The following PTPRD variants were observed in gnomAD, a reference collection of about 807,000 sequenced individuals.
PTPRD encodes the protein receptor-type tyrosine-protein phosphatase delta.
A neutral mutation model predicts 214.5 loss-of-function variants in PTPRD; 34 were observed. The ratio of observed to expected loss-of-function variants is 0.16; its 90% CI spans 0.12 to 0.21. The LOEUF (loss-of-function observed/expected upper bound fraction) is 0.21. Among genes scored for constraint, PTPRD ranks in the 10% least tolerant of loss-of-function variants. PTPRD has a pLI of 1.00. For synonymous variants in PTPRD, 1,128 were observed against 845.7 expected, an observed-to-expected ratio of 1.33 and a Z score of -5.79; for missense variants, 2,545 against 2,398.7, an observed-to-expected ratio of 1.06 and a Z score of -1.27.
chr9:9,110,619 C>T (rs1365063021), intron 10 of PTPRD, among the ~76,000 whole-genome samples: 3 of 152,110 alleles, frequency 2.0e-5, no homozygotes, highest in African/African-American at 7.2e-5. Flanking sequence ...TACTCTACTT[C>T]TTACCCACCC....
At chr9:9,261,166 G>C (rs1450469434) in intron 9 of PTPRD, among the ~76,000 whole-genome samples, 1 of 151,796 alleles carries the variant, frequency 6.6e-6, no homozygotes, top group African/African-American at 2.4e-5. Flanking sequence ...TGGCTGCTTT[G>C]GGTAATGGCT....
At chr9:8,354,775 T>C (rs7860514) in intron 39 of PTPRD, among the ~76,000 whole-genome samples, 8,302 of 152,242 alleles carry the variant, frequency 0.055, 775 homozygotes, top group African/African-American at 0.19. Flanking sequence ...AGTTTTACTA[T>C]GAACAGATGA....
intron 2 of PTPRD, among the ~76,000 whole-genome samples, chr9:10,439,568 T>C (rs1022417035): frequency 2.0e-5 from 3 of 151,774 alleles, no homozygotes; most frequent in East Asian, 1.9e-4. Flanking sequence ...GGTTTCACTA[T>C]TAAGTCAGGC....
intron 9 of PTPRD, among the ~76,000 whole-genome samples, chr9:9,286,065 ATGT>A (rs1569567067): frequency 6.6e-6 from 1 of 151,762 alleles, no homozygotes; most frequent in East Asian, 2.0e-4. Flanking sequence ...ATCCTAAAAA[ATGT>A]TGTTAGTATA....
At chr9:9,751,184 AT>A (rs35098015) in intron 6 of PTPRD, among the ~76,000 whole-genome samples, 6,926 of 151,872 alleles carry the variant, frequency 0.046, 743 homozygotes, top group East Asian at 0.4. Flanking sequence ...CTTAAAAAAA[AT>A]ATTTTTACAA....
At position 9,002,088 on chromosome 9, in the gene PTPRD, C is replaced by G. The variant is rs73640979; in HGVS notation, c.-104+16609G>C. Reference sequence around the variant, plus strand: ...AATCAAATCACTCTAATCATCGTAACAAAAGATTTTTTCCCTGTTTTACAA... The same window carrying G: ...AATCAAATCACTCTAATCATCGTAAGAAAAGATTTTTTCCCTGTTTTACAA... On this transcript the variant is annotated intron_variant, in intron 11 of 45. Transcript: ENST00000381196. Among the ~76,000 whole-genome samples the G allele has an allele frequency of 9.1e-3, 1,381 of 151,824 alleles. 18 individuals are homozygous for G. Among genetic ancestry groups the G allele is most frequent in the African/African-American group, 0.031 (1,302 of 41,434 alleles).
At chr9:8,842,593 T>C (rs911378702) in intron 11 of PTPRD, among the ~76,000 whole-genome samples, 6 of 152,046 alleles carry the variant, frequency 3.9e-5, no homozygotes, top group African/African-American at 1.5e-4. Flanking sequence ...GGGGTTAAAG[T>C]GTTAGGCTCA....
intron 9 of PTPRD, among the ~76,000 whole-genome samples, chr9:9,304,273 T>C (rs931361362): frequency 1.1e-4 from 16 of 152,086 alleles, no homozygotes; most frequent in African/African-American, 3.6e-4. Context: ...ATGAGATGAA[T>C]GGGGAGTCAT....
chr9:8,480,656 A>C (rs1028271428), intron 30 of PTPRD, among the ~76,000 whole-genome samples: 4 of 152,218 alleles, frequency 2.6e-5, no homozygotes, highest in Non-Finnish European at 5.9e-5. Context: ...AAATCTGCAC[A>C]GTTTCTTACA....
chr9:9,751,911 GA>G (rs1327613546), intron 6 of PTPRD, among the ~76,000 whole-genome samples: 1 of 152,228 alleles, frequency 6.6e-6, no homozygotes, highest in Admixed American at 6.5e-5. Flanking sequence ...TGTCACACAG[GA>G]TAAGCTCTTA....
chr9:8,557,896 A>C (rs1485257302), intron 14 of PTPRD, among the ~76,000 whole-genome samples: 1 of 151,990 alleles, frequency 6.6e-6, no homozygotes, highest in Non-Finnish European at 1.5e-5. Context: ...GGAAATAAAC[A>C]TAGAAGTAAA....
intron 2 of PTPRD, among the ~76,000 whole-genome samples, chr9:10,531,259 A>G (rs2056215908): frequency 6.6e-6 from 1 of 152,106 alleles, no homozygotes; most frequent in Non-Finnish European, 1.5e-5. Flanking sequence ...CAATGGATAA[A>G]ATTTTAATGG....
chr9:9,182,513 A>T (rs1366765282), intron 10 of PTPRD, among the ~76,000 whole-genome samples: 2 of 152,058 alleles, frequency 1.3e-5, no homozygotes, highest in Non-Finnish European at 2.9e-5. Flanking sequence ...ATAGTCTCTG[A>T]ATAACAAGCC....
intron 3 of PTPRD, among the ~76,000 whole-genome samples, chr9:10,229,047 G>A (rs1216335673): frequency 2.0e-5 from 3 of 151,956 alleles, no homozygotes; most frequent in Non-Finnish European, 2.9e-5. Context: ...ACAACCAGTT[G>A]TAAGCAATGA....
At chr9:9,213,085 C>T (rs1593695208) in intron 9 of PTPRD, among the ~76,000 whole-genome samples, 1 of 152,272 alleles carries the variant, frequency 6.6e-6, no homozygotes, top group Non-Finnish European at 1.5e-5. Context: ...AAACGATGCA[C>T]ATCAAATCCC....
At chr9:8,854,718 T>C (rs1000408892) in intron 11 of PTPRD, among the ~76,000 whole-genome samples, 4 of 152,178 alleles carry the variant, frequency 2.6e-5, no homozygotes, top group African/African-American at 9.7e-5. Flanking sequence ...CTAACTAAAC[T>C]GTGGTCACAG....
intron 5 of PTPRD, among the ~76,000 whole-genome samples, chr9:9,782,488 A>G (rs966821764): frequency 6.6e-6 from 1 of 152,158 alleles, no homozygotes; most frequent in South Asian, 2.1e-4. Flanking sequence ...CAACTGATTA[A>G]CTGAGGAAAG....
At chr9:9,910,708 A>T (rs1161504426) in intron 5 of PTPRD, among the ~76,000 whole-genome samples, 1 of 152,046 alleles carries the variant, frequency 6.6e-6, no homozygotes, top group Non-Finnish European at 1.5e-5. Flanking sequence ...CTTATTAATT[A>T]CCATGAGATC....
At chr9:9,332,603 A>C (rs1249659493) in intron 9 of PTPRD, among the ~76,000 whole-genome samples, 2 of 151,292 alleles carry the variant, frequency 1.3e-5, no homozygotes, top group Non-Finnish European at 3.0e-5. Flanking sequence ...CTCTATACTG[A>C]GCTTGGGAGT....
Sources: gnomAD v4.1 joint callset for allele counts (sites outside exome capture counted in the v4.1 genomes callset) on GRCh38, gnomAD v4.1.1 for gene constraint, MANE v1.5 for transcripts, NCBI Gene and HGNC (gene_info 2026-07-23, HGNC 2026-07-21) for gene names.